The following DLC1 variants were observed in gnomAD, a reference collection of about 807,000 sequenced individuals.
DLC1 encodes the protein DLC1 Rho GTPase activating protein.
In DLC1, 54 loss-of-function variants were observed where a neutral mutation model predicts 140.3. That is an observed-to-expected ratio of 0.38 (90% CI 0.31 to 0.48). The LOEUF is 0.48. Ranked by LOEUF, DLC1 falls within the 20% of genes least tolerant of loss-of-function variation. DLC1 has a pLI of 0.96. For synonymous variants in DLC1, 986 were observed against 728.1 expected (o/e 1.35, Z -5.70); for missense variants, 2,536 against 1,907.0 (o/e 1.33, Z -6.14).
intron 2 of DLC1, among the ~76,000 whole-genome samples, chr8:13,469,089 G>C (rs1162276996): frequency 6.6e-6 from 1 of 152,078 alleles, no homozygotes; most frequent in African/African-American, 2.4e-5. Context: ...AAAGTGCTGG[G>C]ATTACAGGCG....
chr8:13,218,500 A>G (rs192959979), intron 5 of DLC1, among the ~76,000 whole-genome samples: 2 of 152,164 alleles, frequency 1.3e-5, no homozygotes, highest in Admixed American at 6.5e-5. Flanking sequence ...AAAGATGATA[A>G]TGCCTAACAT....
intron 1 of DLC1, among the ~76,000 whole-genome samples, chr8:13,539,838 G>T (rs780109930): frequency 6.6e-6 from 1 of 152,004 alleles, no homozygotes; most frequent in Non-Finnish European, 1.5e-5. Context: ...TCTAAATATT[G>T]AGAAGGGTGG....
intron 2 of DLC1, among the ~76,000 whole-genome samples, chr8:13,434,359 T>C (rs1332207983): frequency 1.3e-5 from 2 of 152,232 alleles, no homozygotes; most frequent in African/African-American, 2.4e-5. Context: ...TTTAAACATA[T>C]GCAGTATGAA....
At chr8:13,254,826 A>C (rs1830151637) in intron 5 of DLC1, among the ~76,000 whole-genome samples, 1 of 152,186 alleles carries the variant, frequency 6.6e-6, no homozygotes, top group African/African-American at 2.4e-5. Flanking sequence ...TTTAGCATTT[A>C]ACAAAATATT....
intron 2 of DLC1, among the ~76,000 whole-genome samples, chr8:13,484,857 G>A (rs1367479521): frequency 1.3e-5 from 2 of 151,694 alleles, no homozygotes; most frequent in African/African-American, 4.8e-5. Flanking sequence ...AGGGATGTGC[G>A]CTATGACCAG....
At chr8:13,377,964 A>T (rs1188914281) in intron 4 of DLC1, among the ~76,000 whole-genome samples, 2 of 151,472 alleles carry the variant, frequency 1.3e-5, no homozygotes, top group East Asian at 3.9e-4. Flanking sequence ...TTTTTATCAA[A>T]GAATAAAAAT....
intron 5 of DLC1, among the ~76,000 whole-genome samples, chr8:13,143,390 A>C (rs1391638218): frequency 6.6e-6 from 1 of 152,206 alleles, no homozygotes; most frequent in Non-Finnish European, 1.5e-5. Context: ...GACTTTTAAT[A>C]AACAAAATAT....
intron 5 of DLC1, among the ~76,000 whole-genome samples, chr8:13,142,604 A>G (rs1270567299): frequency 1.3e-5 from 2 of 152,244 alleles, no homozygotes; most frequent in Non-Finnish European, 2.9e-5. Context: ...GGATAACTAC[A>G]TATTTATGAG....
At chr8:13,410,413 A>G (rs552811267) in intron 2 of DLC1, among the ~76,000 whole-genome samples, 3 of 152,154 alleles carry the variant, frequency 2.0e-5, no homozygotes, top group Non-Finnish European at 4.4e-5. Context: ...AACAGAGATG[A>G]TTATATTACA....
At chr8:13,537,943 C>T (rs182767963) in intron 1 of DLC1, among the ~76,000 whole-genome samples, 3 of 152,010 alleles carry the variant, frequency 2.0e-5, no homozygotes, top group Admixed American at 1.3e-4. Context: ...CGTGAGCCAC[C>T]GCACCCGGCC....
intron 5 of DLC1, among the ~76,000 whole-genome samples, chr8:13,185,294 TTG>T (rs1491066402): frequency 1.4e-5 from 2 of 145,270 alleles, no homozygotes; most frequent in African/African-American, 2.5e-5. Context: ...TTTTTTTTGT[TTG>T]TTTGTTTGTT....
At chr8:13,564,253 G>A (rs1054916824) in intron 1 of DLC1, among the ~76,000 whole-genome samples, 8 of 152,224 alleles carry the variant, frequency 5.3e-5, no homozygotes, top group Admixed American at 6.5e-5. Flanking sequence ...TACAGATAAA[G>A]AACAAGTACT....
intron 5 of DLC1, among the ~76,000 whole-genome samples, chr8:13,120,754 G>A (rs1006467813): frequency 6.6e-6 from 1 of 152,116 alleles, no homozygotes; most frequent in Non-Finnish European, 1.5e-5. Flanking sequence ...ATTTCACAAA[G>A]CAGTTCTGGA....
intron 1 of DLC1, among the ~76,000 whole-genome samples, chr8:13,540,999 T>C (rs1039535905): frequency 3.3e-5 from 5 of 152,256 alleles, no homozygotes; most frequent in Admixed American, 6.5e-5. Flanking sequence ...TTTGCTATCA[T>C]AGGAACTATT....
chr8:13,219,699 T>C lies in DLC1; in HGVS notation c.1348+85570A>G, dbSNP rs951006557. On this transcript the variant is annotated intron_variant, in intron 5 of 17. Transcript: ENST00000276297. Reference sequence around the variant, plus strand: ...AGAATTGTATTGAAAAAATAAAATATGGGTCTTCAAACAAAAACTTGTATA... The same window carrying C: ...AGAATTGTATTGAAAAAATAAAATACGGGTCTTCAAACAAAAACTTGTATA... Among the ~76,000 whole-genome samples, 3 of 151,912 alleles carry C rather than the reference T, an allele frequency of 2.0e-5. No individual in the cohort carries two copies. In the East Asian group the frequency reaches 5.8e-4, roughly 29 times the overall value.
At chr8:13,213,806 C>G (rs1266231741) in intron 5 of DLC1, among the ~76,000 whole-genome samples, 1 of 149,626 alleles carries the variant, frequency 6.7e-6, no homozygotes, top group South Asian at 2.1e-4. Flanking sequence ...TTTTTGGAGA[C>G]AGGGTCTCCC....
Position 13,322,748 on chromosome 8 carries a change from T to C in DLC1, c.1315-17446A>G, listed in dbSNP as rs561547494. On this transcript the variant is annotated intron_variant, in intron 4 of 17. Coordinates refer to ENST00000276297, the MANE Select transcript of DLC1 (RefSeq NM_182643.3). ...TAAGAAGTAATATTTCTTTACTGCA[T>C]GGGGATGGCAATTCTCATAGAGCTT... is the stretch of plus-strand genomic sequence containing the variant. Among the ~76,000 whole-genome samples, 12 of 152,304 alleles carry C rather than the reference T, an allele frequency of 7.9e-5. No individual in the cohort carries two copies. The East Asian group carries it at 1.2e-3, about 15-fold the overall frequency.
upstream of DLC1, among the ~76,000 whole-genome samples, chr8:13,519,078 G>T (rs1336366227): frequency 6.6e-6 from 1 of 151,892 alleles, no homozygotes; most frequent in African/African-American, 2.4e-5. Flanking sequence ...TGCCATGTTG[G>T]TGTGCTGCCC....
intron 4 of DLC1, among the ~76,000 whole-genome samples, chr8:13,314,346 A>G (rs1259003415): frequency 6.7e-6 from 1 of 149,328 alleles, no homozygotes; most frequent in Non-Finnish European, 1.5e-5. Flanking sequence ...TGTAATATAC[A>G]TGTAATATTG....
Sources: gnomAD v4.1 joint callset for allele counts (sites outside exome capture counted in the v4.1 genomes callset) on GRCh38, gnomAD v4.1.1 for gene constraint, MANE v1.5 for transcripts, NCBI Gene and HGNC (gene_info 2026-07-23, HGNC 2026-07-21) for gene names.